The following TMCC1 variants were observed in gnomAD, a reference collection of about 807,000 sequenced individuals.
TMCC1 encodes the protein transmembrane and coiled-coil domains protein 1.
Under a neutral mutation model 52.4 loss-of-function variants are expected in TMCC1, and 15 were observed. The ratio of observed to expected loss-of-function variants is 0.29; its 90% CI spans 0.19 to 0.44. TMCC1 has a LOEUF of 0.44. Ranked by LOEUF, TMCC1 falls within the 20% of genes least tolerant of loss-of-function variation. The pLI is 1.00. For missense variants in TMCC1, 503 were observed against 806.0 expected (o/e 0.62, Z 4.55); for synonymous variants, 279 against 301.9 (o/e 0.92, Z 0.79).
Position 129,698,275 on chromosome 3 carries a change from C to T in TMCC1, c.577-27011G>A, listed in dbSNP as rs374602447. Among the ~76,000 whole-genome samples, 7 of 152,266 alleles carry T rather than the reference C, an allele frequency of 4.6e-5. No homozygotes were observed. The East Asian group carries it at 1.4e-3, about 29-fold the overall frequency. ...ACGTCTTACTTGGCGGCAGGCAAGA[C>T]AGCATGTACAGGGGAACTGCTCTTT... On this transcript the variant is annotated intron_variant, in intron 4 of 6. Coordinates refer to ENST00000393238, the MANE Select transcript of TMCC1 (RefSeq NM_001017395.5).
chr3:129,777,597 T>C (rs7629521), intron 4 of TMCC1, among the ~76,000 whole-genome samples: 150,144 of 152,300 alleles, frequency 0.99, 74,047 homozygotes, highest in East Asian at 1. Context: ...CCCCTCAAAA[T>C]ACAAAATCCT....
chr3:129,786,291 T>C (rs558015204), intron 4 of TMCC1, among the ~76,000 whole-genome samples: 79 of 152,204 alleles, frequency 5.2e-4, no homozygotes, highest in African/African-American at 1.6e-3. Flanking sequence ...TGCCTTTCCC[T>C]CTCAACAAAA....
At chr3:129,727,032 T>A (rs988053736) in intron 4 of TMCC1, among the ~76,000 whole-genome samples, 8 of 152,016 alleles carry the variant, frequency 5.3e-5, no homozygotes, top group Non-Finnish European at 1.5e-5. Context: ...CTGTTCTTTC[T>A]ACTAAACCAT....
At chr3:129,657,123 C>G (rs2108851534) in intron 5 of TMCC1, among the ~76,000 whole-genome samples, 1 of 152,202 alleles carries the variant, frequency 6.6e-6, no homozygotes, top group East Asian at 1.9e-4. Context: ...AATTACTCTC[C>G]TCAACTAAGG....
intron 4 of TMCC1, among the ~76,000 whole-genome samples, chr3:129,747,738 C>T (rs528794770): frequency 3.0e-4 from 46 of 152,192 alleles, no homozygotes; most frequent in Non-Finnish European, 6.3e-4. Context: ...ACCATGGATT[C>T]CCTTCTCACC....
intron 4 of TMCC1, among the ~76,000 whole-genome samples, chr3:129,777,010 C>T (rs1477522513): frequency 7.9e-5 from 12 of 152,136 alleles, no homozygotes; most frequent in Admixed American, 4.6e-4. Flanking sequence ...ATACATTCAA[C>T]GAACGTATTG....
intron 2 of TMCC1, among the ~76,000 whole-genome samples, chr3:129,867,565 T>C (rs533616328): frequency 6.6e-6 from 1 of 152,288 alleles, no homozygotes; most frequent in Admixed American, 6.5e-5. Context: ...TTTAAATCTG[T>C]CTCTAAATTA....
intron 2 of TMCC1, among the ~76,000 whole-genome samples, chr3:129,840,539 G>A (rs575721170): frequency 6.6e-6 from 1 of 152,252 alleles, no homozygotes; most frequent in African/African-American, 2.4e-5. Flanking sequence ...GAGTGATCTG[G>A]TTTGGCTCTG....
At chr3:129,850,681 G>A (rs1409660235) in intron 2 of TMCC1, among the ~76,000 whole-genome samples, 3 of 152,150 alleles carry the variant, frequency 2.0e-5, no homozygotes, top group African/African-American at 4.8e-5. Context: ...GAAATAGAGA[G>A]GTGTGAAGTG....
At chr3:129,734,455 G>A (rs576183514) in intron 4 of TMCC1, among the ~76,000 whole-genome samples, 4 of 152,156 alleles carry the variant, frequency 2.6e-5, no homozygotes, top group Admixed American at 2.6e-4. Context: ...AGAGGCTGAG[G>A]TGGGCAGACT....
intron 4 of TMCC1, among the ~76,000 whole-genome samples, chr3:129,808,884 A>G (rs2057627815): frequency 6.6e-6 from 1 of 150,894 alleles, no homozygotes; most frequent in Non-Finnish European, 1.5e-5. Context: ...AAAAGATCAA[A>G]AAGTTAAAAT....
chr3:129,795,275 A>G (rs1208418298), intron 4 of TMCC1, among the ~76,000 whole-genome samples: 1 of 152,214 alleles, frequency 6.6e-6, no homozygotes, highest in Admixed American at 6.5e-5. Flanking sequence ...TAACTGTAAG[A>G]GCAGTTCCAA....
At chr3:129,884,879 C>T (rs2061621024) in intron 1 of TMCC1, among the ~76,000 whole-genome samples, 1 of 150,132 alleles carries the variant, frequency 6.7e-6, no homozygotes, top group Admixed American at 6.6e-5. Context: ...GTGGCTCATA[C>T]CTGTAATCCT....
chr3:129,748,545 C>T (rs1470277271), intron 4 of TMCC1, among the ~76,000 whole-genome samples: 1 of 152,166 alleles, frequency 6.6e-6, no homozygotes, highest in Non-Finnish European at 1.5e-5. Flanking sequence ...GCCTCAGCCT[C>T]CCAAAGTGCT....
At chr3:129,782,596 T>C (rs1023131927) in intron 4 of TMCC1, among the ~76,000 whole-genome samples, 7 of 152,162 alleles carry the variant, frequency 4.6e-5, no homozygotes, top group Non-Finnish European at 1.0e-4. Context: ...ATTAGAATGG[T>C]ACTAACGGAT....
At chr3:129,784,108 A>C (rs1010686161) in intron 4 of TMCC1, among the ~76,000 whole-genome samples, 3 of 152,218 alleles carry the variant, frequency 2.0e-5, no homozygotes, top group Non-Finnish European at 4.4e-5. Flanking sequence ...GGGAAAAAGA[A>C]GACAAGAAGA....
At chr3:129,728,782 A>G (rs902033995) in intron 4 of TMCC1, among the ~76,000 whole-genome samples, 2 of 152,172 alleles carry the variant, frequency 1.3e-5, no homozygotes, top group Non-Finnish European at 2.9e-5. Flanking sequence ...CTTTTTCACT[A>G]TAGTCCTATC....
chr3:129,807,419 CT>C (rs1396766337), intron 4 of TMCC1, among the ~76,000 whole-genome samples: 5 of 152,082 alleles, frequency 3.3e-5, no homozygotes, highest in Admixed American at 3.3e-4. Context: ...CAGATCCAGT[CT>C]TTGAGTTTTC....
In TMCC1 at chr3:129,823,754, T is replaced by C. The variant is rs1193650329; in HGVS notation, c.576+4049A>G. Among the ~76,000 whole-genome samples the C allele has an allele frequency of 2.0e-5, 3 of 152,224 alleles. No individual in the cohort carries two copies. In the East Asian group the frequency reaches 5.8e-4, roughly 29 times the overall value. On this transcript the variant is annotated intron_variant, in intron 4 of 6. Coordinates refer to ENST00000393238, the MANE Select transcript of TMCC1 (RefSeq NM_001017395.5). ...TGGAAGCAAGACCTTATATTAGCGTTCTGGATAAACCAAAGAGTAGTGGAC... is the reference window on the plus strand; with the variant it reads ...TGGAAGCAAGACCTTATATTAGCGTCCTGGATAAACCAAAGAGTAGTGGAC...
Sources: allele counts gnomAD v4.1 joint callset (sites outside exome capture counted in the v4.1 genomes callset), GRCh38; gene constraint gnomAD v4.1.1; transcripts MANE v1.5; gene names NCBI Gene and HGNC (gene_info 2026-07-23, HGNC 2026-07-21).